The following PTPRD variants were observed in gnomAD, a reference collection of about 807,000 sequenced individuals.
The protein encoded by PTPRD is receptor-type tyrosine-protein phosphatase delta.
Under a neutral mutation model 214.5 loss-of-function variants are expected in PTPRD, and 34 were observed. The observed-to-expected ratio is 0.16, with a 90% CI of 0.12 to 0.21. The LOEUF is 0.21. Ranked by LOEUF, PTPRD falls within the 10% of genes least tolerant of loss-of-function variation. The pLI, the probability that PTPRD is intolerant of heterozygous loss-of-function variation, is 1.00. For synonymous variants in PTPRD, 1,128 were observed against 845.7 expected (o/e 1.33, Z -5.79); for missense variants, 2,545 against 2,398.7 (o/e 1.06, Z -1.27).
chr9:10,139,975 T>C (rs1025146109), intron 3 of PTPRD, among the ~76,000 whole-genome samples: 1 of 152,082 alleles, frequency 6.6e-6, no homozygotes, highest in Non-Finnish European at 1.5e-5. Context: ...ATATCAGCCT[T>C]GGCAAATAAT....
At chr9:9,563,341 G>A (rs1414497834) in intron 8 of PTPRD, among the ~76,000 whole-genome samples, 2 of 152,074 alleles carry the variant, frequency 1.3e-5, no homozygotes, top group African/African-American at 4.8e-5. Flanking sequence ...GGATCAGAAT[G>A]CTTTGACAAT....
intron 5 of PTPRD, among the ~76,000 whole-genome samples, chr9:9,903,122 G>C (rs1304450095): frequency 6.6e-6 from 1 of 152,020 alleles, no homozygotes; most frequent in African/African-American, 2.4e-5. Flanking sequence ...GTAATCAAAT[G>C]TGAAAGAAAC....
At chr9:9,351,253 G>C (rs933695289) in intron 9 of PTPRD, among the ~76,000 whole-genome samples, 1 of 151,920 alleles carries the variant, frequency 6.6e-6, no homozygotes, top group East Asian at 1.9e-4. Flanking sequence ...AATACATCTT[G>C]TAGGAAAGAG....
intron 7 of PTPRD, among the ~76,000 whole-genome samples, chr9:9,716,303 G>A (rs1459600820): frequency 2.0e-5 from 3 of 151,854 alleles, no homozygotes; most frequent in African/African-American, 4.8e-5. Context: ...GAATAGTGCT[G>A]TAATAAACAT....
At chr9:9,310,306 C>T (rs1390723885) in intron 9 of PTPRD, among the ~76,000 whole-genome samples, 1 of 152,148 alleles carries the variant, frequency 6.6e-6, no homozygotes, top group East Asian at 1.9e-4. Flanking sequence ...GGAAGACACA[C>T]ACCTTGCAGT....
rs73641266 is a variant in PTPRD at position 9,228,451 on chromosome 9, T to C, written c.-202-45088A>G. ...AATAGTTCAATAATATGCACACATA[T>C]ATGCATGTTGATATATGTTGATATA... On this transcript the variant is annotated intron_variant, in intron 9 of 45. Transcript: ENST00000381196. Among the ~76,000 whole-genome samples the C allele has an allele frequency of 8.9e-4, 135 of 152,222 alleles. 2 individuals carry two copies. Among genetic ancestry groups the C allele is most frequent in the African/African-American group, 3.0e-3 (125 of 41,566 alleles).
intron 2 of PTPRD, among the ~76,000 whole-genome samples, chr9:10,565,576 G>T (rs543276966): frequency 6.6e-6 from 1 of 152,046 alleles, no homozygotes; most frequent in African/African-American, 2.4e-5. Flanking sequence ...TGCTGTTACG[G>T]AACTGTATAA....
At chr9:8,369,453 G>A (rs1205725919) in intron 39 of PTPRD, among the ~76,000 whole-genome samples, 1 of 151,272 alleles carries the variant, frequency 6.6e-6, no homozygotes, top group Non-Finnish European at 1.5e-5. Context: ...ACCCCAAACT[G>A]GCATCTGATT....
chr9:8,707,392 G>A (rs2098232576), intron 12 of PTPRD, among the ~76,000 whole-genome samples: 2 of 152,198 alleles, frequency 1.3e-5, no homozygotes, highest in Non-Finnish European at 2.9e-5. Flanking sequence ...TGCCCTTTTG[G>A]TCAGCCAGCT....
At chr9:8,844,204 G>T (rs1378618835) in intron 11 of PTPRD, among the ~76,000 whole-genome samples, 1 of 152,050 alleles carries the variant, frequency 6.6e-6, no homozygotes, top group Non-Finnish European at 1.5e-5. Flanking sequence ...TAGGCTTGTG[G>T]ATACAATCTT....
At chr9:8,984,032 T>C (rs189223409) in intron 11 of PTPRD, among the ~76,000 whole-genome samples, 1 of 152,250 alleles carries the variant, frequency 6.6e-6, no homozygotes, top group African/African-American at 2.4e-5. Context: ...ATTTCTATAC[T>C]ATAACGTATA....
chr9:8,777,044 G>GTTC, intron 11 of PTPRD, among the ~76,000 whole-genome samples: 1 of 100,032 alleles, frequency 1.0e-5, no homozygotes, highest in Non-Finnish European at 2.2e-5. Context: ...GCAGTGGCAG[G>GTTC]ATCACGGCTC....
At chr9:10,175,582 C>T (rs1436676387) in intron 3 of PTPRD, among the ~76,000 whole-genome samples, 3 of 152,016 alleles carry the variant, frequency 2.0e-5, no homozygotes, top group African/African-American at 4.8e-5. Context: ...GAAAACCTTG[C>T]AATCCCTTAA....
chr9:8,556,165 T>G (rs2141014514), intron 14 of PTPRD, among the ~76,000 whole-genome samples: 1 of 152,306 alleles, frequency 6.6e-6, no homozygotes, highest in South Asian at 2.1e-4. Context: ...AGCTAAAAAT[T>G]TATTCAAAGG....
intron 3 of PTPRD, among the ~76,000 whole-genome samples, chr9:10,139,616 A>T (rs760172343): frequency 1.6e-4 from 24 of 151,984 alleles, no homozygotes; most frequent in Non-Finnish European, 3.4e-4. Flanking sequence ...TGAGCTGGAG[A>T]TATGTTATCC....
intron 9 of PTPRD, among the ~76,000 whole-genome samples, chr9:9,192,228 A>C (rs2099935680): frequency 6.6e-6 from 1 of 152,068 alleles, no homozygotes; most frequent in Non-Finnish European, 1.5e-5. Context: ...CAAAGATAAA[A>C]AAAAAGCTGT....
intron 2 of PTPRD, among the ~76,000 whole-genome samples, chr9:10,422,443 G>A (rs962815034): frequency 6.6e-6 from 1 of 151,942 alleles, no homozygotes; most frequent in Non-Finnish European, 1.5e-5. Flanking sequence ...GGTAACAAAA[G>A]CCAAAATAGA....
At position 8,903,223 on chromosome 9, in the gene PTPRD, C is replaced by T. The variant is rs540988578; in HGVS notation, c.-104+115474G>A. ...TTTGTTACCTGGGCATACTGCATGA[C>T]GCCGAGGCTTGGGATATGAATCATC... On this transcript the variant is annotated intron_variant, in intron 11 of 45. Transcript: ENST00000381196. Among the ~76,000 whole-genome samples, 8 of 151,886 alleles carry T rather than the reference C, an allele frequency of 5.3e-5. No individual in the cohort carries two copies. The South Asian group carries it at 8.3e-4, about 16-fold the overall frequency.
At chr9:10,246,541 C>T (rs1256474840) in intron 3 of PTPRD, among the ~76,000 whole-genome samples, 1 of 152,068 alleles carries the variant, frequency 6.6e-6, no homozygotes, top group Non-Finnish European at 1.5e-5. Context: ...CCGCACCTGG[C>T]CAAGATACAT....
Sources: gnomAD v4.1 joint callset for allele counts (sites outside exome capture counted in the v4.1 genomes callset) on GRCh38, gnomAD v4.1.1 for gene constraint, MANE v1.5 for transcripts, NCBI Gene and HGNC (gene_info 2026-07-23, HGNC 2026-07-21) for gene names.